The following DBT variants were observed in gnomAD, a reference collection of about 807,000 sequenced individuals.
DBT encodes dihydrolipoamide branched chain transacylase E2.
A neutral mutation model predicts 51.3 loss-of-function variants in DBT; 40 were observed. The ratio of observed to expected loss-of-function variants is 0.78; its 90% CI spans 0.61 to 1.02. The LOEUF is 1.02. Among genes scored for constraint, DBT ranks in the 50% least tolerant of loss-of-function variants. The pLI is 0.00. For missense variants in DBT, 510 were observed against 580.2 expected (o/e 0.88, Z 1.24); for synonymous variants, 181 against 190.4 (o/e 0.95, Z 0.41).
At chr1:100,240,574 A>T (rs1324919023) in intron 2 of DBT, among the ~76,000 whole-genome samples, 187 bp downstream of exon 2, 3 of 152,192 alleles carry the variant, frequency 2.0e-5, no homozygotes, top group Admixed American at 6.5e-5. Flanking sequence ...TAAGGAAAGT[A>T]TGTAAAAGAG....
At chr1:100,216,299 T>C in intron 5 of DBT, 100 bp from the exon 6 acceptor site, 2 of 803,518 alleles carry the variant, frequency 2.5e-6, no homozygotes, top group Non-Finnish European at 4.2e-6. Context: ...AATATATCTG[T>C]CCAATAAATT....
At chr1:100,212,608 C>T (rs976996024) in intron 7 of DBT, among the ~76,000 whole-genome samples, 1 of 151,944 alleles carries the variant, frequency 6.6e-6, no homozygotes, top group South Asian at 2.1e-4. Context: ...AGGCTCAGCG[C>T]CCAGTAAGTG....
chr1:100,241,062 A>G (rs995013012), intron 1 of DBT, among the ~76,000 whole-genome samples, 178 bp from the exon 2 acceptor site: 1 of 152,216 alleles, frequency 6.6e-6, no homozygotes, highest in Non-Finnish European at 1.5e-5. Flanking sequence ...TCCTTCTGAA[A>G]GTAAAGACAT....
At chr1:100,197,369 C>G (rs566786440) in intron 10 of DBT, among the ~76,000 whole-genome samples, 1 of 152,278 alleles carries the variant, frequency 6.6e-6, no homozygotes, top group East Asian at 1.9e-4. Context: ...ATTGGCCATT[C>G]ACTGAAAGAG....
At chr1:100,232,993 T>C (rs774221771) in intron 3 of DBT, among the ~76,000 whole-genome samples, 1 of 151,902 alleles carries the variant, frequency 6.6e-6, no homozygotes, top group African/African-American at 2.4e-5. Flanking sequence ...CATACTCCAA[T>C]AAAAAGGCAA....
chr1:100,215,343 A>T (rs980395302), intron 6 of DBT, among the ~76,000 whole-genome samples: 1 of 152,244 alleles, frequency 6.6e-6, no homozygotes, highest in Non-Finnish European at 1.5e-5. Context: ...AACAAATCAG[A>T]ACTAGTTATT....
rs937105900 is a variant in DBT at position 100,194,162 on chromosome 1, T to A, written c.*2093A>T. 2 of 152,076 alleles carry A rather than the reference T, an allele frequency of 1.3e-5. No individual in the cohort carries two copies. The highest frequency in any genetic ancestry group is 1.3e-4 in the Admixed American group (2 of 15,262). 9.4% of individuals were successfully genotyped at this position (152,076 alleles called of 1,614,324 possible). On this transcript the variant is annotated 3_prime_UTR_variant, in exon 11 of 11. Coordinates refer to ENST00000370132, the MANE Select transcript of DBT (RefSeq NM_001918.5). ...AACAACAGCATTTATTTGACCTGTT[T>A]TTTTTATTTTATTTTATTTTTTAGA...
intron 1 of DBT, among the ~76,000 whole-genome samples, chr1:100,244,063 C>CAA (rs1162401280): frequency 0.051 from 4,019 of 78,742 alleles, 257 homozygotes; most frequent in East Asian, 0.31. Context: ...AATTCTATCT[C>CAA]AAAAAAAAAA....
chr1:100,216,104 C>A lies in DBT; in HGVS notation c.651G>T (p.Leu217Phe). The A allele has an allele frequency of 6.2e-7, 1 of 1,613,144 alleles. No homozygotes were observed. Among genetic ancestry groups the A allele is most frequent in the Non-Finnish European group, 8.5e-7 (1 of 1,179,150 alleles). ...NYLEKQTGAI[L>F]PPSPKVEIMP... ...TAATTTCAACTTTGGGTGAAGGAGG[C>A]AATATAGCTCCTGTCTGCTTTTCCA... Residue 217 changes from leucine to phenylalanine, a missense_variant, in exon 6 of 11, where the codon TTG becomes TTT. Physicochemically the swap from Leu to Phe is conservative, Grantham distance 22. Transcript: ENST00000370132.
intron 10 of DBT, among the ~76,000 whole-genome samples, chr1:100,198,165 A>G (rs188182911): frequency 1.7e-3 from 258 of 152,366 alleles, no homozygotes; most frequent in African/African-American, 5.8e-3. Context: ...TTTATATACA[A>G]CAGTATACTA....
At position 100,193,598 on chromosome 1, in the gene DBT, C is replaced by T. The variant is rs1448163697; in HGVS notation, c.*2657G>A. 6.6e-6 allele frequency: 1 copy of T among 151,862 alleles called. No individual in the cohort carries two copies. Among genetic ancestry groups the T allele is most frequent in the African/African-American group, 2.4e-5 (1 of 41,234 alleles). The allele number at this position is 151,862 out of a possible 1,614,324, so 9.4% of individuals were successfully genotyped here. On this transcript the variant is annotated 3_prime_UTR_variant, in exon 11 of 11. Coordinates refer to ENST00000370132, the MANE Select transcript of DBT (RefSeq NM_001918.5). ...TGCATACAATGGAATACTATGCAGACATTTATTTATTTATTTATTTATTTA... is the reference window on the plus strand; with the variant it reads ...TGCATACAATGGAATACTATGCAGATATTTATTTATTTATTTATTTATTTA...
intron 4 of DBT, among the ~76,000 whole-genome samples, chr1:100,221,308 C>T (rs1183752242): frequency 6.6e-6 from 1 of 152,174 alleles, no homozygotes; most frequent in Non-Finnish European, 1.5e-5. Context: ...CACCTTACTA[C>T]ACAGCAGAAG....
intron 5 of DBT, among the ~76,000 whole-genome samples, 167 bp downstream of exon 5, chr1:100,218,459 C>G (rs1570820111): frequency 6.6e-6 from 1 of 152,192 alleles, no homozygotes; most frequent in East Asian, 1.9e-4. Context: ...TACAACTTCT[C>G]ATTTCTCCCA....
chr1:100,220,494 C>A (rs1340878843), intron 4 of DBT, among the ~76,000 whole-genome samples: 4 of 152,142 alleles, frequency 2.6e-5, no homozygotes, highest in Non-Finnish European at 4.4e-5. Context: ...CTATTCATTC[C>A]TCTTTACTAG....
At position 100,218,731 on chromosome 1, in the gene DBT, A is replaced by T. The variant is rs1224343825; in HGVS notation, c.450T>A (p.Val150=). ...TEALKDSEED[V]VETPAVSHDE... ...CATGAGACACTGCAGGAGTTTCAAC[A>T]ACATCTTCTTCTGAATCTGGTAACA... Residue 150 remains valine (V), a synonymous_variant, in exon 5 of 11, where the codon GTT becomes GTA. Transcript: ENST00000370132. 1 of 1,613,980 alleles carries T rather than the reference A, an allele frequency of 6.2e-7. No homozygotes were observed. The highest frequency in any genetic ancestry group is 8.5e-7 in the Non-Finnish European group (1 of 1,179,920).
chr1:100,235,503 C>G lies in DBT; in HGVS notation c.184G>C (p.Gly62Arg). 1 of 1,577,652 alleles carries G rather than the reference C, an allele frequency of 6.3e-7. No individual in the cohort carries two copies. The highest frequency in any genetic ancestry group is 8.7e-7 in the Non-Finnish European group (1 of 1,148,478). ...HFLKTTAALR[G>R]QVVQFKLSDI... ...GAGAGCTTGAACTGAACAACCTGTC[C>G]ACGGAGAGCTTCAAAGACAAATGAG... Residue 62 changes from glycine to arginine, a missense_variant, in exon 3 of 11, where the codon GGA becomes CGA. Coordinates refer to ENST00000370132, the MANE Select transcript of DBT (RefSeq NM_001918.5).
intron 10 of DBT, 141 bp downstream of exon 10, chr1:100,206,089 A>G: frequency 1.6e-6 from 1 of 610,096 alleles, no homozygotes; most frequent in Non-Finnish European, 2.8e-6. Flanking sequence ...AAAAAAAAAA[A>G]AGAAATAATA....
chr1:100,213,660 C>T (rs1662298332), intron 7 of DBT: 1 of 1,610,732 alleles, frequency 6.2e-7, no homozygotes, highest in Non-Finnish European at 8.5e-7. Flanking sequence ...TGTGGAGCCA[C>T]CTTCGCTTAA....
chr1:100,210,325 TAAG>T (rs145600331), intron 8 of DBT, among the ~76,000 whole-genome samples: 32,643 of 143,778 alleles, frequency 0.23, 4,162 homozygotes, highest in East Asian at 0.41. Context: ...ATAATAATAA[TAAG>T]AAGAAGAAGA....
Sources: gnomAD v4.1 joint callset for allele counts (sites outside exome capture counted in the v4.1 genomes callset) on GRCh38, gnomAD v4.1.1 for gene constraint, MANE v1.5 for transcripts, NCBI Gene and HGNC (gene_info 2026-07-23, HGNC 2026-07-21) for gene names.